Variants in LIN9 observed in about 807,000 individuals in gnomAD.
LIN9 encodes the protein lin-9 DREAM MuvB core complex component.
A neutral mutation model predicts 78.0 loss-of-function variants in LIN9; 18 were observed. That is an observed-to-expected ratio of 0.23 (90% CI 0.16 to 0.34). The LOEUF (loss-of-function observed/expected upper bound fraction) is 0.34. Ranked by LOEUF, LIN9 falls within the 10% of genes least tolerant of loss-of-function variation. LIN9 has a pLI of 1.00. For missense variants in LIN9, 451 were observed against 644.1 expected (o/e 0.70, Z 3.25); for synonymous variants, 192 against 215.2 (o/e 0.89, Z 0.94).
intron 7 of LIN9, among the ~76,000 whole-genome samples, chr1:226,269,605 T>C (rs1660136483): frequency 6.6e-6 from 1 of 152,162 alleles, no homozygotes; most frequent in Non-Finnish European, 1.5e-5. Flanking sequence ...GTTTTATTAG[T>C]TCAGGGTTGG....
At chr1:226,285,128 A>T (rs1010958961) in intron 6 of LIN9, among the ~76,000 whole-genome samples, 1 of 152,214 alleles carries the variant, frequency 6.6e-6, no homozygotes, top group African/African-American at 2.4e-5. Context: ...AATTAACGAG[A>T]AATATTATGA....
intron 14 of LIN9, 112 bp downstream of exon 14, chr1:226,232,984 T>C: frequency 1.6e-6 from 1 of 618,912 alleles, no homozygotes; most frequent in Non-Finnish European, 2.8e-6. Flanking sequence ...CAAATATATT[T>C]AACGGATAAT....
chr1:226,278,759 G>A (rs986579785), intron 6 of LIN9, among the ~76,000 whole-genome samples: 7 of 151,200 alleles, frequency 4.6e-5, no homozygotes, highest in South Asian at 2.1e-4. Context: ...AGAGGGCAGA[G>A]GCTGCAGTGG....
intron 6 of LIN9, among the ~76,000 whole-genome samples, chr1:226,279,958 G>A (rs1162758560): frequency 6.6e-6 from 1 of 151,958 alleles, no homozygotes; most frequent in Non-Finnish European, 1.5e-5. Context: ...ATCTCATAGG[G>A]ACCAAGTTCC....
intron 12 of LIN9, among the ~76,000 whole-genome samples, chr1:226,234,007 T>C (rs1194893587): frequency 6.6e-6 from 1 of 152,218 alleles, no homozygotes; most frequent in East Asian, 1.9e-4. Flanking sequence ...ACTGAAGTTA[T>C]GCATTTTTGG....
In LIN9 at chr1:226,279,124, G is replaced by A. The variant is rs1469124551; in HGVS notation, c.525-1192C>T. ...TGCAGTGAGCCAAGATCGTGCCACT[G>A]CGCTCCAGCCTGGGCAACAGAGCGA... On this transcript the variant is annotated intron_variant, in intron 6 of 14. Coordinates refer to ENST00000681046, the MANE Select transcript of LIN9 (RefSeq NM_001366245.2). 4.6e-5 allele frequency among the ~76,000 whole-genome samples: 7 copies of A among 151,536 alleles called. No homozygotes were observed. The East Asian group carries it at 1.4e-3, about 30-fold the overall frequency.
intron 10 of LIN9, among the ~76,000 whole-genome samples, chr1:226,263,555 T>C (rs1224154415): frequency 6.6e-6 from 1 of 152,194 alleles, no homozygotes; most frequent in Non-Finnish European, 1.5e-5. Context: ...CCTTTGCTTA[T>C]TGATCTCTCT....
At chr1:226,255,484 C>T (rs888335137) in intron 10 of LIN9, among the ~76,000 whole-genome samples, 2 of 152,126 alleles carry the variant, frequency 1.3e-5, no homozygotes, top group African/African-American at 4.8e-5. Context: ...CAGGCTGACA[C>T]AGTTCCTTTT....
intron 3 of LIN9, among the ~76,000 whole-genome samples, chr1:226,296,815 G>C (rs1057020087): frequency 1.3e-5 from 2 of 151,948 alleles, no homozygotes; most frequent in African/African-American, 4.8e-5. Flanking sequence ...GAGCCCAGGA[G>C]CTGGAAACCA....
intron 1 of LIN9, among the ~76,000 whole-genome samples, chr1:226,302,272 G>A (rs963204399): frequency 9.9e-5 from 15 of 152,114 alleles, no homozygotes; most frequent in African/African-American, 2.9e-4. Context: ...GGCCGGGTGC[G>A]GTGGCTCACG....
intron 8 of LIN9, 66 bp from the exon 9 acceptor site, chr1:226,266,398 T>C: frequency 7.3e-7 from 1 of 1,373,326 alleles, no homozygotes; most frequent in South Asian, 1.5e-5. Context: ...TTATAATCAT[T>C]GTATTTCAGC....
chr1:226,263,585 A>C (rs1013283153), intron 10 of LIN9, among the ~76,000 whole-genome samples: 3 of 152,212 alleles, frequency 2.0e-5, no homozygotes, highest in Admixed American at 6.5e-5. Flanking sequence ...TCACACACAC[A>C]ACACCTGTTC....
At position 226,290,404 on chromosome 1, in the gene LIN9, G is replaced by A. The variant is rs1024036040; in HGVS notation, c.265-2607C>T. 7.3e-5 allele frequency among the ~76,000 whole-genome samples: 11 copies of A among 149,848 alleles called. No homozygotes were observed. In the East Asian group the frequency reaches 1.6e-3, roughly 22 times the overall value. ...TGCCCAGGCTGGAGTGCAGTGGCACGATCTCGGCTCACTGCAAGCTCCACC... is the reference window on the plus strand; with the variant it reads ...TGCCCAGGCTGGAGTGCAGTGGCACAATCTCGGCTCACTGCAAGCTCCACC... On this transcript the variant is annotated intron_variant, in intron 4 of 14. Transcript: ENST00000681046.
At chr1:226,301,745 G>A (rs1466938799) in intron 1 of LIN9, among the ~76,000 whole-genome samples, 1 of 152,186 alleles carries the variant, frequency 6.6e-6, no homozygotes, top group East Asian at 1.9e-4. Context: ...AATAAAGTTG[G>A]AGGGGTCCAC....
At chr1:226,239,125 T>TC (rs1433618623) in intron 11 of LIN9, 29 bp from the exon 12 acceptor site, 45 of 1,606,862 alleles carry the variant, frequency 2.8e-5, no homozygotes, top group Non-Finnish European at 3.2e-5. Context: ...CAGATCTTGG[T>TC]AAGAGTTTGT....
At position 226,287,813 on chromosome 1, in the gene LIN9, A is replaced by G. The variant is rs1558196092; in HGVS notation, c.265-16T>C. 2 of 1,522,168 alleles carry G rather than the reference A, an allele frequency of 1.3e-6. No individual in the cohort carries two copies. The highest frequency in any genetic ancestry group is 1.8e-6 in the Non-Finnish European group (2 of 1,140,800). 94.3% of individuals were successfully genotyped at this position (1,522,168 alleles called of 1,614,324 possible). On this transcript the variant is annotated splice_polypyrimidine_tract_variant and intron_variant, in intron 4 of 14. Transcript: ENST00000681046. ...CTGTAAATTTCTATACAATAAAAAA[A>G]AGAGATTAATTTATGGCTCCATTAA...
At chr1:226,237,522 C>T (rs1266175479) in intron 12 of LIN9, among the ~76,000 whole-genome samples, 1 of 150,820 alleles carries the variant, frequency 6.6e-6, no homozygotes, top group African/African-American at 2.4e-5. Context: ...ATCCCAGCTA[C>T]TCGGGAGGCT....
At chr1:226,294,499 G>A (rs1175169165) in intron 4 of LIN9, among the ~76,000 whole-genome samples, 1 of 151,490 alleles carries the variant, frequency 6.6e-6, no homozygotes, top group Middle Eastern at 3.2e-3. Flanking sequence ...TTGAACCAAG[G>A]AGCTGGAGAT....
intron 4 of LIN9, among the ~76,000 whole-genome samples, chr1:226,289,045 G>A (rs1576344328): frequency 1.3e-5 from 2 of 152,126 alleles, no homozygotes; most frequent in South Asian, 4.1e-4. Context: ...CAGACAGCCA[G>A]GCCAATATAG....
Sources: allele counts gnomAD v4.1 joint callset (sites outside exome capture counted in the v4.1 genomes callset), GRCh38; gene constraint gnomAD v4.1.1; transcripts MANE v1.5; gene names NCBI Gene and HGNC (gene_info 2026-07-23, HGNC 2026-07-21).